Variants in IGSF11 observed in about 807,000 individuals in gnomAD.
The protein encoded by IGSF11 is CXADR like 1.
IGSF11 carries 22 observed loss-of-function variants against 41.0 expected under a neutral mutation model. That is an observed-to-expected ratio of 0.54 (90% CI 0.38 to 0.77). The LOEUF is 0.77. Among genes scored for constraint, IGSF11 ranks in the 30% least tolerant of loss-of-function variants. The pLI, the probability that IGSF11 is intolerant of heterozygous loss-of-function variation, is 0.00. For missense variants in IGSF11, 444 were observed against 530.8 expected (o/e 0.84, Z 1.61); for synonymous variants, 219 against 201.3 (o/e 1.09, Z -0.74).
intron 1 of IGSF11, among the ~76,000 whole-genome samples, chr3:118,969,807 T>C (rs1933170822): frequency 6.6e-6 from 1 of 152,184 alleles, no homozygotes; most frequent in Non-Finnish European, 1.5e-5. Flanking sequence ...ATTTGTGTGG[T>C]AGAGGAACGG....
intron 4 of IGSF11, among the ~76,000 whole-genome samples, chr3:118,913,042 A>C (rs12489856): frequency 6.6e-6 from 1 of 151,804 alleles, no homozygotes; most frequent in African/African-American, 2.4e-5. Flanking sequence ...TCAAAACTCA[A>C]TGGATAAGCT....
chr3:119,033,101 T>C (rs1352289510), intron 1 of IGSF11, among the ~76,000 whole-genome samples: 3 of 152,220 alleles, frequency 2.0e-5, no homozygotes, highest in Admixed American at 2.0e-4. Context: ...GCGAATTGTA[T>C]CAACTCTTTT....
At chr3:119,064,508 GCT>G in intron 1 of IGSF11, among the ~76,000 whole-genome samples, 1 of 133,486 alleles carries the variant, frequency 7.5e-6, no homozygotes, top group South Asian at 2.4e-4. Context: ...TGCCTTGGCT[GCT>G]CTTTTTTTTT....
At chr3:119,023,195 G>A (rs1184340246) in intron 1 of IGSF11, among the ~76,000 whole-genome samples, 1 of 149,824 alleles carries the variant, frequency 6.7e-6, no homozygotes, top group Non-Finnish European at 1.5e-5. Flanking sequence ...TCTGGGAGGC[G>A]GAGGTTGCAG....
chr3:119,045,813 C>A (rs1359045204), intron 1 of IGSF11, among the ~76,000 whole-genome samples: 1 of 151,868 alleles, frequency 6.6e-6, no homozygotes, highest in Non-Finnish European at 1.5e-5. Flanking sequence ...GGGCAGACTG[C>A]CTCCTCAAGT....
chr3:118,982,390 A>G (rs1371871112), intron 1 of IGSF11, among the ~76,000 whole-genome samples: 1 of 152,150 alleles, frequency 6.6e-6, no homozygotes, highest in Non-Finnish European at 1.5e-5. Flanking sequence ...TTTCTCCTCC[A>G]TACCCTTTGA....
chr3:119,104,121 G>A (rs1371297964), intron 1 of IGSF11, among the ~76,000 whole-genome samples: 7 of 151,974 alleles, frequency 4.6e-5, no homozygotes, highest in East Asian at 3.8e-4. Flanking sequence ...CATCTTAGTC[G>A]CCCAATTTCC....
intron 1 of IGSF11, among the ~76,000 whole-genome samples, chr3:119,050,418 G>C (rs1286230185): frequency 6.6e-6 from 1 of 152,222 alleles, no homozygotes; most frequent in African/African-American, 2.4e-5. Flanking sequence ...CTAGCCATCA[G>C]AGAAATGCAA....
chr3:119,050,785 G>A (rs933758098), intron 1 of IGSF11, among the ~76,000 whole-genome samples: 22 of 151,634 alleles, frequency 1.5e-4, no homozygotes, highest in African/African-American at 5.3e-4. Context: ...AGAAAATGTG[G>A]CACATATACA....
chr3:118,935,381 CACACACACACACACAT>C (rs1168950080), intron 1 of IGSF11, among the ~76,000 whole-genome samples: 2 of 116,502 alleles, frequency 1.7e-5, no homozygotes, highest in South Asian at 2.6e-4. Context: ...TATATACACA[CACACACACACACACAT>C]ACACACACAC....
intron 1 of IGSF11, among the ~76,000 whole-genome samples, chr3:119,129,961 G>A (rs2077456076): frequency 6.6e-6 from 1 of 151,648 alleles, no homozygotes; most frequent in East Asian, 1.9e-4. Context: ...CTCCAGTATG[G>A]GCAACAGACC....
At chr3:118,945,373 G>A (rs1325119714) in intron 1 of IGSF11, among the ~76,000 whole-genome samples, 1 of 152,134 alleles carries the variant, frequency 6.6e-6, no homozygotes. Flanking sequence ...GCATATATTA[G>A]GAAGAAGCTT....
intron 1 of IGSF11, among the ~76,000 whole-genome samples, chr3:119,115,371 G>T (rs2077241368): frequency 6.6e-6 from 1 of 152,172 alleles, no homozygotes; most frequent in Non-Finnish European, 1.5e-5. Flanking sequence ...CACCAACAGG[G>T]TACAAGGGTT....
In IGSF11 at chr3:119,034,666, T is replaced by TG; in HGVS notation, c.-85dup. 7 of 1,452,652 alleles carry TG rather than the reference T, an allele frequency of 4.8e-6. No homozygotes were observed. The highest frequency in any genetic ancestry group is 6.4e-6 in the Non-Finnish European group (7 of 1,094,386). 90.0% of individuals were successfully genotyped at this position (1,452,652 alleles called of 1,614,324 possible). A position where few individuals can be genotyped will look rare whatever the true frequency, so the allele number is the denominator to read the frequency against. On this transcript the variant is annotated 5_prime_UTR_variant, in exon 1 of 7. Coordinates refer to ENST00000393775, the MANE Select transcript of IGSF11 (RefSeq NM_001015887.3). ...GAGCGGGCGTGAGTCTCCGCGCTCT[T>TG]GGGGCAGCCTGGTCCTCCCACACCC...
chr3:119,072,299 A>T (rs770556019), intron 1 of IGSF11, among the ~76,000 whole-genome samples: 1 of 152,240 alleles, frequency 6.6e-6, no homozygotes, highest in African/African-American at 2.4e-5. Flanking sequence ...GCAGTACTAA[A>T]CAGCAAAGTT....
At chr3:118,999,144 G>A (rs764823278) in intron 1 of IGSF11, among the ~76,000 whole-genome samples, 12 of 151,800 alleles carry the variant, frequency 7.9e-5, no homozygotes, top group Non-Finnish European at 1.8e-4. Flanking sequence ...TGCCCTGTGG[G>A]GAAACAAATC....
chr3:119,004,696 A>ATT (rs2107679896), intron 1 of IGSF11, among the ~76,000 whole-genome samples: 1 of 148,132 alleles, frequency 6.8e-6, no homozygotes, highest in South Asian at 2.3e-4. Flanking sequence ...GAACATCTTT[A>ATT]TTTCTGCCTT....
rs1938839991 is a variant in IGSF11, at chr3:118,901,416, G to A, written c.*1104C>T. ...CCTCTTTTGCAAAAAGCATTATTTT[G>A]AAAAACGAAACAGAACAAAAAAACG... On this transcript the variant is annotated 3_prime_UTR_variant, in exon 7 of 7. Coordinates refer to ENST00000393775, the MANE Select transcript of IGSF11 (RefSeq NM_001015887.3). 1 of 151,748 alleles carries A rather than the reference G, an allele frequency of 6.6e-6. No homozygotes were observed. The highest frequency in any genetic ancestry group is 1.5e-5 in the Non-Finnish European group (1 of 67,996). The allele number at this position is 151,748 out of a possible 1,614,324, so 9.4% of individuals were successfully genotyped here.
intron 4 of IGSF11, among the ~76,000 whole-genome samples, chr3:118,924,883 C>T (rs1942153396): frequency 6.6e-6 from 1 of 151,982 alleles, no homozygotes; most frequent in African/African-American, 2.4e-5. Context: ...TGAACTGTTA[C>T]AGAAACAGTG....
Sources: allele counts gnomAD v4.1 joint callset (sites outside exome capture counted in the v4.1 genomes callset), GRCh38; gene constraint gnomAD v4.1.1; transcripts MANE v1.5; gene names NCBI Gene and HGNC (gene_info 2026-07-23, HGNC 2026-07-21).